Variants in CCDC7 observed in about 807,000 individuals in gnomAD.
CCDC7 encodes the protein coiled-coil domain containing 7.
Under a neutral mutation model 196.9 loss-of-function variants are expected in CCDC7, and 183 were observed. The ratio of observed to expected loss-of-function variants is 0.93; its 90% confidence interval spans 0.82 to 1.05. CCDC7 has a LOEUF of 1.05. Among genes scored for constraint, CCDC7 ranks in the 50% least tolerant of loss-of-function variants. CCDC7 has a pLI of 0.00. For missense variants in CCDC7, 1,540 were observed against 1,482.2 expected (o/e 1.04, Z -0.64); for synonymous variants, 525 against 484.6 (o/e 1.08, Z -1.10).
At chr10:32,727,244 G>A (rs940441713) in intron 26 of CCDC7, among the ~76,000 whole-genome samples, 4 of 152,100 alleles carry the variant, frequency 2.6e-5, no homozygotes, top group Admixed American at 6.6e-5. Context: ...TAGCAAGTGG[G>A]AATTATAGGA....
Position 32,758,462 on chromosome 10 carries a change from G to C in CCDC7, c.2906-20515G>C, listed in dbSNP as rs1336538151. Among the ~76,000 whole-genome samples the C allele has an allele frequency of 2.0e-5, 3 of 151,882 alleles. No homozygotes were observed. The East Asian group carries it at 5.8e-4, about 29-fold the overall frequency. ...GGTTCAATATATAAAAATCAATAAA[G>C]TAATCCATCATATAAATAGAACCTA... On this transcript the variant is annotated intron_variant, in intron 28 of 41. Coordinates refer to ENST00000639629, the Ensembl canonical transcript of CCDC7.
chr10:32,740,217 A>G (rs1314765456), intron 28 of CCDC7, among the ~76,000 whole-genome samples: 1 of 152,184 alleles, frequency 6.6e-6, no homozygotes, highest in East Asian at 1.9e-4. Context: ...ATTGTATAAT[A>G]AAGCCTGTGT....
chr10:32,863,703 A>C (rs1174137843), intron 41 of CCDC7, among the ~76,000 whole-genome samples: 1 of 151,948 alleles, frequency 6.6e-6, no homozygotes, highest in Non-Finnish European at 1.5e-5. Context: ...TCTATATGCA[A>C]AAAATATAAT....
At chr10:32,593,888 A>G (rs886076414) in intron 18 of CCDC7, among the ~76,000 whole-genome samples, 2 of 152,096 alleles carry the variant, frequency 1.3e-5, no homozygotes, top group East Asian at 1.9e-4. Context: ...CGAGGGCTCT[A>G]TTCTGTCCAA....
At chr10:32,628,709 T>C (rs765209776) in intron 18 of CCDC7, among the ~76,000 whole-genome samples, 1 of 152,096 alleles carries the variant, frequency 6.6e-6, no homozygotes, top group Non-Finnish European at 1.5e-5. Context: ...GTATTTTCAG[T>C]TTCATTTGTC....
At chr10:32,845,306 C>A (rs763693302) in exon 34 of CCDC7, 1 of 1,571,196 alleles carries the variant, frequency 6.4e-7, no homozygotes, top group South Asian at 1.2e-5. Flanking sequence ...TCAATCAATG[C>A]ACAACTAAAG....
intron 28 of CCDC7, among the ~76,000 whole-genome samples, chr10:32,763,473 C>T (rs2077770810): frequency 6.6e-6 from 1 of 151,790 alleles, no homozygotes; most frequent in South Asian, 2.1e-4. Flanking sequence ...CAGCAATTCC[C>T]CTTCTGGGTA....
chr10:32,572,232 A>G (rs186337514), intron 16 of CCDC7, among the ~76,000 whole-genome samples: 8 of 152,304 alleles, frequency 5.3e-5, no homozygotes, highest in Admixed American at 5.2e-4. Context: ...TACATAAACA[A>G]CTTAGTGAAA....
intron 20 of CCDC7, among the ~76,000 whole-genome samples, chr10:32,637,814 C>G (rs1056311900): frequency 2.0e-5 from 3 of 152,132 alleles, no homozygotes; most frequent in Non-Finnish European, 2.9e-5. Context: ...TATAAATTAC[C>G]TTGGGCAGTA....
In CCDC7 at chr10:32,623,741, G is replaced by A. The variant is rs763870234; in HGVS notation, c.1802-10513G>A. On this transcript the variant is annotated intron_variant, in intron 18 of 41. Coordinates refer to ENST00000639629, the Ensembl canonical transcript of CCDC7. ...TAGGCAGTACAAGAAACATGGTGCCGGCATCTGCTTCTGGCGAGGGCCTCA... is the reference window on the plus strand; with the variant it reads ...TAGGCAGTACAAGAAACATGGTGCCAGCATCTGCTTCTGGCGAGGGCCTCA... The A allele has an allele frequency of 1.6e-4, 74 of 469,842 alleles. 1 individual carries two copies. Among genetic ancestry groups the A allele is most frequent in the South Asian group, 9.4e-4 (61 of 64,554 alleles). The allele number at this position is 469,842 out of a possible 1,614,324, so 29.1% of individuals were successfully genotyped here. A position where few individuals can be genotyped will look rare whatever the true frequency, so the allele number is the denominator to read the frequency against.
Position 32,502,470 on chromosome 10 carries a change from C to T in CCDC7, c.872+10473C>T, listed in dbSNP as rs186289392. On this transcript the variant is annotated intron_variant, in intron 9 of 41. Coordinates refer to ENST00000639629, the Ensembl canonical transcript of CCDC7. ...AATCATCCACCTTCTGTGTTGATCTCGCTGGGAGCTGCAGACTGGAGCTGT... is the reference window on the plus strand; with the variant it reads ...AATCATCCACCTTCTGTGTTGATCTTGCTGGGAGCTGCAGACTGGAGCTGT... Among the ~76,000 whole-genome samples the T allele has an allele frequency of 2.6e-3, 396 of 152,134 alleles. 2 individuals carry two copies. The highest frequency in any genetic ancestry group is 9.0e-3 in the African/African-American group (373 of 41,512).
intron 16 of CCDC7, among the ~76,000 whole-genome samples, chr10:32,573,785 C>G (rs1326036427): frequency 6.6e-6 from 1 of 152,108 alleles, no homozygotes; most frequent in Non-Finnish European, 1.5e-5. Flanking sequence ...TATTTTAATT[C>G]ATTTCAATTC....
chr10:32,597,276 TC>T (rs1168946592), intron 18 of CCDC7, among the ~76,000 whole-genome samples: 1 of 152,230 alleles, frequency 6.6e-6, no homozygotes, highest in African/African-American at 2.4e-5. Flanking sequence ...CGTTTGATCT[TC>T]AATCACTGAT....
At chr10:32,733,389 G>GA (rs1301418919) in intron 28 of CCDC7, among the ~76,000 whole-genome samples, 1 of 152,020 alleles carries the variant, frequency 6.6e-6, no homozygotes, top group African/African-American at 2.4e-5. Flanking sequence ...TTGTAGCTCA[G>GA]AAAATGGAAG....
chr10:32,850,818 C>CACAG (rs1199692806), intron 39 of CCDC7, among the ~76,000 whole-genome samples: 10 of 124,372 alleles, frequency 8.0e-5, no homozygotes, highest in African/African-American at 2.7e-4. Flanking sequence ...CACACACACA[C>CACAG]AGAGACATGC....
At chr10:32,696,791 C>T (rs1366682815) in intron 24 of CCDC7, among the ~76,000 whole-genome samples, 1 of 152,134 alleles carries the variant, frequency 6.6e-6, no homozygotes, top group Non-Finnish European at 1.5e-5. Flanking sequence ...TTTTATGTTG[C>T]TGTCTCTGAT....
chr10:32,589,994 A>AT (rs112310297), intron 18 of CCDC7, among the ~76,000 whole-genome samples: 334 of 151,942 alleles, frequency 2.2e-3, no homozygotes, highest in Admixed American at 5.5e-3. Flanking sequence ...TTGGATATTG[A>AT]TTTTTTCAAA....
chr10:32,717,528 A>T (rs546663086), intron 25 of CCDC7, among the ~76,000 whole-genome samples: 12 of 152,218 alleles, frequency 7.9e-5, no homozygotes, highest in Non-Finnish European at 1.6e-4. Flanking sequence ...AACTAAAATC[A>T]GAGCAGAACT....
chr10:32,595,559 C>G (rs1288930187), intron 18 of CCDC7, among the ~76,000 whole-genome samples: 2 of 152,088 alleles, frequency 1.3e-5, no homozygotes, highest in African/African-American at 4.8e-5. Flanking sequence ...CTGCTCTGAT[C>G]TTAGTTATTT....
Sources: allele counts gnomAD v4.1 joint callset (sites outside exome capture counted in the v4.1 genomes callset), GRCh38; gene constraint gnomAD v4.1.1; transcripts MANE v1.5; gene names NCBI Gene and HGNC (gene_info 2026-07-23, HGNC 2026-07-21).